Variants in PRKN observed in about 807,000 individuals in gnomAD.
PRKN encodes the protein parkin RBR E3 ubiquitin protein ligase.
In PRKN, 56 loss-of-function variants were observed where a neutral mutation model predicts 59.5. That is an observed-to-expected ratio of 0.94 (90% CI 0.76 to 1.18). The LOEUF is 1.18. PRKN is among the 50% of genes most tolerant of loss of function. The pLI is 0.00. For synonymous variants in PRKN, 250 were observed against 222.1 expected (o/e 1.13, Z -1.12); for missense variants, 657 against 596.4 (o/e 1.10, Z -1.06).
Position 161,529,640 on chromosome 6 carries a change from T to G in PRKN, c.1083+19214A>C, listed in dbSNP as rs1331097296. Among the ~76,000 whole-genome samples the G allele has an allele frequency of 6.6e-6, 1 of 152,290 alleles. No homozygotes were observed. Among genetic ancestry groups the G allele is most frequent in the East Asian group, 1.9e-4 (1 of 5,180 alleles). The stretch of plus-strand genomic sequence containing the variant: ...TACTCATAGGATTACGGCAACTCAG[T>G]TTAAGTGAGGCTGTTTTGGAAGAAG... On this transcript the variant is annotated intron_variant, in intron 9 of 11. Coordinates refer to ENST00000366898, the MANE Select transcript of PRKN (RefSeq NM_004562.3). The surrounding 1 kb of genome is among the most constrained non-coding windows in gnomAD (Gnocchi z 4.4).
At chr6:161,629,654 T>C (rs759534187) in intron 7 of PRKN, among the ~76,000 whole-genome samples, 1 of 152,104 alleles carries the variant, frequency 6.6e-6, no homozygotes, top group Non-Finnish European at 1.5e-5. Flanking sequence ...TTTAATGTTT[T>C]CCATCCTGGT....
chr6:161,812,537 C>T (rs1791606620), intron 6 of PRKN, among the ~76,000 whole-genome samples: 1 of 152,094 alleles, frequency 6.6e-6, no homozygotes, highest in African/African-American at 2.4e-5. Flanking sequence ...ATTAAGAAAA[C>T]AACCAAGCAA....
intron 7 of PRKN, among the ~76,000 whole-genome samples, chr6:161,758,271 C>T (rs1028985918): frequency 1.3e-5 from 2 of 152,068 alleles, no homozygotes; most frequent in Non-Finnish European, 2.9e-5. Flanking sequence ...CAAAGACTTG[C>T]ATAAAATTTC....
chr6:162,355,354 T>C (rs972498597), intron 2 of PRKN, among the ~76,000 whole-genome samples: 2 of 150,990 alleles, frequency 1.3e-5, no homozygotes, highest in East Asian at 1.9e-4. Context: ...AGGCAAGATA[T>C]GAGAACTGGA....
chr6:162,510,657 T>C (rs1777562549), intron 1 of PRKN, among the ~76,000 whole-genome samples: 1 of 152,154 alleles, frequency 6.6e-6, no homozygotes. Context: ...GCACAATGGC[T>C]CACACCTGTA....
At chr6:162,436,061 A>C (rs1789751773) in intron 2 of PRKN, among the ~76,000 whole-genome samples, 1 of 150,946 alleles carries the variant, frequency 6.6e-6, no homozygotes. Flanking sequence ...CTGAAATCCC[A>C]GCGACTTGAG....
intron 6 of PRKN, among the ~76,000 whole-genome samples, chr6:161,898,785 T>A (rs1777763712): frequency 6.6e-6 from 1 of 152,210 alleles, no homozygotes; most frequent in South Asian, 2.1e-4. Context: ...CTCCCTAGGC[T>A]GCAACAGCTT....
intron 1 of PRKN, among the ~76,000 whole-genome samples, chr6:162,722,018 T>G (rs1778958123): frequency 6.6e-6 from 1 of 152,170 alleles, no homozygotes; most frequent in African/African-American, 2.4e-5. Flanking sequence ...CTAATTACTC[T>G]TCTTCTGTGG....
intron 1 of PRKN, among the ~76,000 whole-genome samples, chr6:162,472,612 C>T (rs1171962803): frequency 2.3e-5 from 3 of 128,898 alleles, no homozygotes; most frequent in South Asian, 2.7e-4. Flanking sequence ...CTCAGCCTCC[C>T]GAGTAGCTGG....
At chr6:162,607,051 A>G (rs1781949395) in intron 1 of PRKN, among the ~76,000 whole-genome samples, 1 of 150,326 alleles carries the variant, frequency 6.7e-6, no homozygotes, top group Non-Finnish European at 1.5e-5. Flanking sequence ...AAGAAGACCC[A>G]GCTTGGGAGT....
At chr6:162,571,471 G>A (rs1780324314) in intron 1 of PRKN, among the ~76,000 whole-genome samples, 1 of 152,084 alleles carries the variant, frequency 6.6e-6, no homozygotes, top group Non-Finnish European at 1.5e-5. Flanking sequence ...GCAATAGTTA[G>A]GCAAAAAAAT....
rs369580244 is a variant in PRKN, at chr6:162,158,588, C to T, written c.534+42543G>A. 1.1e-4 allele frequency among the ~76,000 whole-genome samples: 17 copies of T among 152,026 alleles called. No individual in the cohort carries two copies. In the East Asian group the frequency reaches 1.2e-3, roughly 10 times the overall value. ...CTGGGACTACACTTGTGCACCAGCACGCCTGGCTAATTTTTTATTTTTAGT... is the reference window on the plus strand; with the variant it reads ...CTGGGACTACACTTGTGCACCAGCATGCCTGGCTAATTTTTTATTTTTAGT... On this transcript the variant is annotated intron_variant, in intron 4 of 11. Transcript: ENST00000366898.
intron 4 of PRKN, among the ~76,000 whole-genome samples, chr6:162,147,744 G>A (rs915154295): frequency 6.6e-6 from 1 of 152,064 alleles, no homozygotes; most frequent in Non-Finnish European, 1.5e-5. Flanking sequence ...TCTTAAAAAC[G>A]ATATTAGCAA....
chr6:161,931,209 G>A (rs1779159393), intron 6 of PRKN, among the ~76,000 whole-genome samples: 1 of 152,198 alleles, frequency 6.6e-6, no homozygotes, highest in Non-Finnish European at 1.5e-5. Flanking sequence ...GCCGAGGTGG[G>A]TGGATCATTT....
chr6:162,539,239 A>T (rs538187624), intron 1 of PRKN, among the ~76,000 whole-genome samples: 79 of 152,200 alleles, frequency 5.2e-4, no homozygotes, highest in Admixed American at 1.1e-3. Context: ...GCAAAATAAC[A>T]TTTGTATATT....
rs1362268565 is a variant in PRKN at position 161,569,397 on chromosome 6, C to A, written c.891G>T (p.Leu297Phe). ...LPCVAGCPNSLIKELHHFRIL... is the reference protein window; with the variant it reads ...LPCVAGCPNSFIKELHHFRIL... ...TCCTGAAGTGATGGAGCTCTTTAAT[C>A]AAGGAGTTGGGACAGCCAGCTGTTG... Residue 297 changes from leucine (L) to phenylalanine (F), a missense_variant, in exon 8 of 12, where the codon TTG becomes TTT. By Grantham distance (22) the Leu-to-Phe change is conservative. Coordinates refer to ENST00000366898, the MANE Select transcript of PRKN (RefSeq NM_004562.3). The A allele has an allele frequency of 3.7e-6, 6 of 1,614,010 alleles. No homozygotes were observed. Among genetic ancestry groups the A allele is most frequent in the Non-Finnish European group, 4.2e-6 (5 of 1,179,876 alleles).
intron 9 of PRKN, among the ~76,000 whole-genome samples, chr6:161,439,604 G>T (rs12111180): frequency 6.6e-6 from 1 of 152,134 alleles, no homozygotes; most frequent in Admixed American, 6.5e-5. Flanking sequence ...CCTCTCTCCC[G>T]TGATGAAGCC....
chr6:161,515,316 G>A (rs771907792), intron 9 of PRKN, among the ~76,000 whole-genome samples: 14 of 152,124 alleles, frequency 9.2e-5, no homozygotes, highest in Non-Finnish European at 1.5e-4. Flanking sequence ...TAATAACACC[G>A]TATTAACCTG....
At position 162,529,837 on chromosome 6, in the gene PRKN, T is replaced by C. The variant is rs556842503; in HGVS notation, c.8-86364A>G. Reference sequence around the variant, plus strand: ...GGATTTATAGCAACAGTAGATAAAGTAAAAATCTTAAGCTGGGCGTGGTGG... The same window carrying C: ...GGATTTATAGCAACAGTAGATAAAGCAAAAATCTTAAGCTGGGCGTGGTGG... On this transcript the variant is annotated intron_variant, in intron 1 of 11. Coordinates refer to ENST00000366898, the MANE Select transcript of PRKN (RefSeq NM_004562.3). 2.6e-5 allele frequency among the ~76,000 whole-genome samples: 4 copies of C among 152,192 alleles called. No individual in the cohort carries two copies. In the East Asian group the frequency reaches 7.7e-4, roughly 29 times the overall value.
Sources: gnomAD v4.1 joint callset for allele counts (sites outside exome capture counted in the v4.1 genomes callset) on GRCh38, gnomAD v4.1.1 for gene constraint, Gnocchi (gnomAD v3.1) non-coding constraint, MANE v1.5 for transcripts, NCBI Gene and HGNC (gene_info 2026-07-23, HGNC 2026-07-21) for gene names.